Variants in EYS observed in about 807,000 individuals in gnomAD.
EYS encodes the protein protein eyes shut homolog.
Under a neutral mutation model 282.1 loss-of-function variants are expected in EYS, and 250 were observed. That is an observed-to-expected ratio of 0.89 (90% CI 0.80 to 0.98). The LOEUF (loss-of-function observed/expected upper bound fraction) is 0.98. Ranked by LOEUF, EYS falls within the 50% of genes least tolerant of loss-of-function variation. The pLI, the probability that EYS is intolerant of heterozygous loss-of-function variation, is 0.00. For synonymous variants in EYS, 1,355 were observed against 1,282.9 expected, an observed-to-expected ratio of 1.06 and a Z score of -1.20; for missense variants, 4,016 against 3,709.0, an observed-to-expected ratio of 1.08 and a Z score of -2.15.
intron 26 of EYS, among the ~76,000 whole-genome samples, chr6:64,539,604 T>A (rs1202705720): frequency 6.6e-6 from 1 of 151,852 alleles, no homozygotes; most frequent in Non-Finnish European, 1.5e-5. Flanking sequence ...AAAAATGGAA[T>A]CTTATTTGCT....
chr6:65,675,687 GA>G (rs1219296241), intron 1 of EYS, among the ~76,000 whole-genome samples: 5 of 151,776 alleles, frequency 3.3e-5, no homozygotes, highest in African/African-American at 1.2e-4. Context: ...ATTATGGATA[GA>G]AAACCAGATA....
chr6:65,031,892 A>G (rs1476672904), intron 13 of EYS, among the ~76,000 whole-genome samples: 1 of 152,120 alleles, frequency 6.6e-6, no homozygotes, highest in Non-Finnish European at 1.5e-5. Flanking sequence ...GCTGAACTGA[A>G]ATTAATACAT....
intron 35 of EYS, among the ~76,000 whole-genome samples, chr6:63,954,849 A>T (rs1765745858): frequency 6.6e-6 from 1 of 152,046 alleles, no homozygotes; most frequent in South Asian, 2.1e-4. Flanking sequence ...CATGTAGGTT[A>T]CAATCCGCTA....
At chr6:64,062,184 G>T (rs1298507622) in intron 33 of EYS, among the ~76,000 whole-genome samples, 1 of 152,104 alleles carries the variant, frequency 6.6e-6, no homozygotes, top group African/African-American at 2.4e-5. Flanking sequence ...TCTAAATTTT[G>T]CCCAGTTAAT....
rs10589491 is a variant in EYS, at chr6:64,248,183, T to TTGTGTGTGTGTG, written c.6192-17371_6192-17360dup. ...GCAAGTGATTTGGTACAGAAGAAGC[T>TTGTGTGTGTGTG]TGTGTGTGTGTGTGTGTGTGTGTGT... On this transcript the variant is annotated intron_variant, in intron 30 of 42. Coordinates refer to ENST00000503581, the MANE Select transcript of EYS (RefSeq NM_001142800.2). 1.4e-3 allele frequency among the ~76,000 whole-genome samples: 207 copies of TTGTGTGTGTGTG among 146,400 alleles called. 1 individual carries two copies. Among genetic ancestry groups the TTGTGTGTGTGTG allele is most frequent in the African/African-American group, 5.0e-3 (198 of 39,680 alleles).
chr6:64,897,897 G>T (rs1364340885), intron 18 of EYS, among the ~76,000 whole-genome samples: 2 of 152,108 alleles, frequency 1.3e-5, no homozygotes, highest in Non-Finnish European at 2.9e-5. Context: ...AAGAAGACAA[G>T]ATTAGAGAAA....
chr6:64,208,559 G>T (rs995676928), intron 31 of EYS, among the ~76,000 whole-genome samples: 1 of 151,914 alleles, frequency 6.6e-6, no homozygotes, highest in Non-Finnish European at 1.5e-5. Flanking sequence ...TCAAATAAAG[G>T]TTTAGAACCT....
In EYS at chr6:65,335,049, T is replaced by G. The variant is rs763753407; in HGVS notation, c.1697A>C (p.Asn566Thr). Residue 566 changes from asparagine (N) to threonine (T), a missense_variant, in exon 11 of 43, where the codon AAT (asparagine) becomes ACT (threonine). Asn to Thr is a moderately conservative substitution (Grantham distance 65). Transcript: ENST00000503581. ...LRWAGNMYLE[N>T]TTDDQENECQ... ...CTCATTTTCTTGATCATCAGTTGTA[T>G]TTTCCAGATACATGTTGCCAGCCCA... 5 of 1,611,870 alleles carry G rather than the reference T, an allele frequency of 3.1e-6. No individual in the cohort carries two copies. The highest frequency in any genetic ancestry group is 1.7e-5 in the Admixed American group (1 of 59,740).
At chr6:64,650,161 A>G (rs9452286) in intron 22 of EYS, among the ~76,000 whole-genome samples, 130 of 152,228 alleles carry the variant, frequency 8.5e-4, no homozygotes, top group Middle Eastern at 3.4e-3. Context: ...CCATGCAAAT[A>G]CTACATAGCA....
chr6:64,797,911 T>A (rs1263613009), intron 22 of EYS, among the ~76,000 whole-genome samples: 1 of 151,926 alleles, frequency 6.6e-6, no homozygotes, highest in East Asian at 1.9e-4. Flanking sequence ...TCAATACCCA[T>A]GAAACACCTG....
intron 33 of EYS, among the ~76,000 whole-genome samples, chr6:64,045,694 G>A (rs770732934): frequency 4.6e-5 from 7 of 150,748 alleles, no homozygotes; most frequent in East Asian, 1.9e-4. Flanking sequence ...TGATCTGCCC[G>A]CCTCGGCCTC....
intron 30 of EYS, among the ~76,000 whole-genome samples, chr6:64,298,189 A>G (rs1447718160): frequency 1.3e-5 from 2 of 152,190 alleles, no homozygotes; most frequent in Non-Finnish European, 2.9e-5. Flanking sequence ...ATGGCTTATA[A>G]TGCACTTTTT....
chr6:64,094,191 A>T (rs182475231), intron 31 of EYS, among the ~76,000 whole-genome samples: 2 of 152,278 alleles, frequency 1.3e-5, no homozygotes, highest in African/African-American at 2.4e-5. Context: ...ATCGATGTTC[A>T]TCAGGGATAT....
intron 12 of EYS, among the ~76,000 whole-genome samples, chr6:65,083,228 A>G (rs1294787025): frequency 6.6e-6 from 1 of 152,020 alleles, no homozygotes; most frequent in Non-Finnish European, 1.5e-5. Context: ...GGAGTCCTTC[A>G]ATAGAAGTCC....
rs713321 is a variant in EYS at position 63,783,006 on chromosome 6, T to C, written c.7724-4826A>G. ...AATTATTGCAGTAAACTGATTACATTTTCCCATATGGGCTCTTCTTTGAAG... is the reference window on the plus strand; with the variant it reads ...AATTATTGCAGTAAACTGATTACATCTTCCCATATGGGCTCTTCTTTGAAG... On this transcript the variant is annotated intron_variant, in intron 39 of 42. Transcript: ENST00000503581. Among the ~76,000 whole-genome samples the C allele has an allele frequency of 2.6e-3, 401 of 152,058 alleles. 1 individual carries two copies. The highest frequency in any genetic ancestry group is 8.9e-3 in the African/African-American group (370 of 41,490).
chr6:65,468,095 C>T (rs1044981140), intron 5 of EYS, among the ~76,000 whole-genome samples: 3 of 152,060 alleles, frequency 2.0e-5, no homozygotes, highest in African/African-American at 7.2e-5. Context: ...CTAAGGGCAG[C>T]TCAGGAAAAT....
intron 35 of EYS, among the ~76,000 whole-genome samples, chr6:63,884,813 G>A (rs560067495): frequency 6.6e-5 from 10 of 151,900 alleles, no homozygotes; most frequent in South Asian, 2.1e-4. Flanking sequence ...TTGGAGAGGC[G>A]GAATCTTTCT....
chr6:65,402,348 A>G, intron 7 of EYS, 130 bp downstream of exon 7: 4 of 547,800 alleles, frequency 7.3e-6, no homozygotes, highest in Non-Finnish European at 9.4e-6. Context: ...ATTTACTTTA[A>G]CTTCAAATAG....
chr6:63,743,373 A>G (rs1410577444), intron 41 of EYS, among the ~76,000 whole-genome samples: 1 of 152,238 alleles, frequency 6.6e-6, no homozygotes, highest in Non-Finnish European at 1.5e-5. Flanking sequence ...TAGAATTCAA[A>G]TATAGTTTGG....
Sources: allele counts gnomAD v4.1 joint callset (sites outside exome capture counted in the v4.1 genomes callset), GRCh38; gene constraint gnomAD v4.1.1; transcripts MANE v1.5; gene names NCBI Gene and HGNC (gene_info 2026-07-23, HGNC 2026-07-21).